Variants in EVC2 observed in about 807,000 individuals in gnomAD.
EVC2 encodes limbin.
Under a neutral mutation model 149.3 loss-of-function variants are expected in EVC2, and 148 were observed. That is an observed-to-expected ratio of 0.99 (90% CI 0.87 to 1.14). The LOEUF (loss-of-function observed/expected upper bound fraction) is 1.14, where lower values mean the gene tolerates loss of function less well. Among genes scored for constraint, EVC2 ranks in the 50% most tolerant of loss-of-function variants. The probability of loss-of-function intolerance (pLI) is 0.00; values close to 1 mark genes in which losing one functional copy is unlikely to be tolerated. For missense variants in EVC2, 1,854 were observed against 1,627.3 expected, an observed-to-expected ratio of 1.14 and a Z score of -2.40; for synonymous variants, 776 against 649.9, an observed-to-expected ratio of 1.19 and a Z score of -2.95.
intron 15 of EVC2, among the ~76,000 whole-genome samples, chr4:5,617,067 T>C (rs1465241923): frequency 6.6e-6 from 1 of 151,754 alleles, no homozygotes; most frequent in African/African-American, 2.4e-5. Context: ...CACATCCTTG[T>C]AAGAACAGAA....
chr4:5,640,525 C>T lies in EVC2; in HGVS notation c.1459G>A (p.Ala487Thr), dbSNP rs751192258. The change falls in exon 10 of 22, where the codon GCT (alanine) becomes ACT (threonine). Residue 487 changes from alanine (A) to threonine (T), a missense_variant. Ala to Thr is a moderately conservative substitution (Grantham distance 58). Transcript: ENST00000344408. This position sits in a 1 kb window ranked among gnomAD's most constrained non-coding sequence, Gnocchi z 4.6. ...CAGACCTGTCTTACCCTCTCACCAG[C>T]ACGTTTCAGCAACTCTTCTGCTTCC... ...MEEAEELLKR[A>T]GERSAVECSN... 6.2e-7 allele frequency: 1 copy of T among 1,614,142 alleles called. No individual in the cohort carries two copies. Among genetic ancestry groups the T allele is most frequent in the Admixed American group, 1.7e-5 (1 of 60,024 alleles).
At position 5,708,464 on chromosome 4, in the gene EVC2, C is replaced by T; in HGVS notation, c.50G>A (p.Gly17Asp). Reference protein sequence around the residue: ...RGRPTWVLAGGLLAVALALGG... With the variant: ...RGRPTWVLAGDLLAVALALGG... ...CAGCGCCAGGGCCACTGCCAGGAGA[C>T]CCCCGGCCAGCACCCACGTGGGGCG... The change falls in exon 1 of 22, where the codon GGT (glycine) becomes GAT (aspartate). Residue 17 changes from glycine (G) to aspartate (D), a missense_variant. Coordinates refer to ENST00000344408, the MANE Select transcript of EVC2 (RefSeq NM_147127.5). 1.3e-6 allele frequency: 2 copies of T among 1,504,688 alleles called. No homozygotes were observed. The highest frequency in any genetic ancestry group is 1.8e-6 in the Non-Finnish European group (2 of 1,134,352). The allele number at this position is 1,504,688 out of a possible 1,614,324, so 93.2% of individuals were successfully genotyped here. A position where few individuals can be genotyped will look rare whatever the true frequency, so the allele number is the denominator to read the frequency against.
At chr4:5,548,219 C>T (rs1721658129) in intron 21 of EVC2, among the ~76,000 whole-genome samples, 1 of 151,976 alleles carries the variant, frequency 6.6e-6, no homozygotes, top group Admixed American at 6.6e-5. Flanking sequence ...AAAATGAACC[C>T]AGCAGGCCCA....
intron 21 of EVC2, among the ~76,000 whole-genome samples, chr4:5,555,822 C>T (rs975284494): frequency 2.6e-5 from 4 of 152,114 alleles, no homozygotes; most frequent in African/African-American, 9.7e-5. Flanking sequence ...ATCTCTTCTA[C>T]AAGTACAGAA....
intron 9 of EVC2, among the ~76,000 whole-genome samples, chr4:5,650,669 A>AGC (rs1553843778): frequency 0.019 from 2,695 of 139,010 alleles, 66 homozygotes; most frequent in African/African-American, 0.045. Flanking sequence ...AGAGAGAGAG[A>AGC]GAGCCATTTA....
In EVC2 at chr4:5,631,999, G is replaced by T; in HGVS notation, c.1504C>A (p.Leu502Ile). ...AVECSNLLRT[L>I]HGLEQEHLRK... ...AAGTGCTCCTGTTCCAGGCCATGGAGGGTCCGCAGAAGGTTGCTGCACTCT... is the reference window on the plus strand; with the variant it reads ...AAGTGCTCCTGTTCCAGGCCATGGATGGTCCGCAGAAGGTTGCTGCACTCT... Residue 502 changes from leucine (L) to isoleucine (I), a missense_variant, in exon 11 of 22, where the codon CTC (leucine) becomes ATC (isoleucine). By Grantham distance (5) the Leu-to-Ile change is conservative. Transcript: ENST00000344408. 1 of 1,614,224 alleles carries T rather than the reference G, an allele frequency of 6.2e-7. No individual in the cohort carries two copies. Among genetic ancestry groups the T allele is most frequent in the Non-Finnish European group, 8.5e-7 (1 of 1,180,044 alleles).
At chr4:5,534,591 T>G in the EVC2 span, among the ~76,000 whole-genome samples, 1 of 152,146 alleles carries the variant, frequency 6.6e-6, no homozygotes. Context: ...TACGGGAAAA[T>G]AATAAGCCCC....
At chr4:5,683,062 T>G (rs1236340357) in intron 6 of EVC2, among the ~76,000 whole-genome samples, 3 of 152,220 alleles carry the variant, frequency 2.0e-5, no homozygotes, top group Admixed American at 2.0e-4. Context: ...ACTTCCCAAA[T>G]CCACTGTGGG....
At chr4:5,547,142 C>T (rs1284284659) in intron 21 of EVC2, among the ~76,000 whole-genome samples, 1 of 152,234 alleles carries the variant, frequency 6.6e-6, no homozygotes, top group African/African-American at 2.4e-5. Context: ...GCTGTTGGTG[C>T]CTGCTCCGAT....
chr4:5,633,346 G>C lies in EVC2; in HGVS notation c.1471-1314C>G, dbSNP rs1418258399. Among the ~76,000 whole-genome samples, 3 of 152,234 alleles carry C rather than the reference G, an allele frequency of 2.0e-5. No homozygotes were observed. The highest frequency in any genetic ancestry group is 2.0e-4 in the Admixed American group (3 of 15,290). ...ATAGGTCACAGTGAAGCTGTGCCCA[G>C]ACTCCTGACCATGGACACTGAGACA... On this transcript the variant is annotated intron_variant, in intron 10 of 21. Transcript: ENST00000344408. The surrounding 1 kb of genome is among the most constrained non-coding windows in gnomAD (Gnocchi z 4.4).
intron 10 of EVC2, among the ~76,000 whole-genome samples, chr4:5,638,842 C>A (rs147829335): frequency 1.4e-4 from 22 of 152,162 alleles, no homozygotes; most frequent in African/African-American, 5.1e-4. Context: ...CAGGAACACC[C>A]GGAGCCACCA....
chr4:5,593,338 T>C (rs1713013882), intron 16 of EVC2, among the ~76,000 whole-genome samples: 1 of 152,176 alleles, frequency 6.6e-6, no homozygotes, highest in Non-Finnish European at 1.5e-5. Flanking sequence ...TACTTCCTTT[T>C]CTTCCTGCTC....
At position 5,665,506 on chromosome 4, in the gene EVC2, A is replaced by G. The variant is rs755644652; in HGVS notation, c.1005+9T>C. 5 of 1,613,960 alleles carry G rather than the reference A, an allele frequency of 3.1e-6. No homozygotes were observed. In the Admixed American group the frequency reaches 6.7e-5, roughly 22 times the overall value. ...ACCACCTTCCAAACCACCCTCAGGG[A>G]AGACTCACCCGATGTCTGGTGAGCA... On this transcript the variant is annotated intron_variant, in intron 8 of 21. Coordinates refer to ENST00000344408, the MANE Select transcript of EVC2 (RefSeq NM_147127.5).
intron 6 of EVC2, among the ~76,000 whole-genome samples, chr4:5,684,219 C>T (rs1468983945): frequency 6.6e-6 from 1 of 152,132 alleles, no homozygotes; most frequent in Non-Finnish European, 1.5e-5. Context: ...GAGAATTGTC[C>T]TTCCCAGTAG....
chr4:5,534,354 A>G, the EVC2 span, among the ~76,000 whole-genome samples: 1 of 152,182 alleles, frequency 6.6e-6, no homozygotes, highest in Non-Finnish European at 1.5e-5. Context: ...TGGTTCAGCG[A>G]GTGAGTGGAT....
At chr4:5,554,027 G>A (rs1341791421) in intron 21 of EVC2, among the ~76,000 whole-genome samples, 1 of 152,098 alleles carries the variant, frequency 6.6e-6, no homozygotes, top group Non-Finnish European at 1.5e-5. Context: ...TACCAAAACT[G>A]GAGGAAAAAA....
At chr4:5,574,921 C>T (rs1157149344) in intron 18 of EVC2, 149 bp from the exon 19 acceptor site, 1 of 856,302 alleles carries the variant, frequency 1.2e-6, no homozygotes, top group African/African-American at 1.7e-5. Context: ...AGAAAGACTG[C>T]CTTCCTTTTC....
Position 5,637,457 on chromosome 4 carries a change from T to C in EVC2, c.1470+3057A>G, listed in dbSNP as rs1218146598. Among the ~76,000 whole-genome samples the C allele has an allele frequency of 6.6e-6, 1 of 152,008 alleles. No homozygotes were observed. Among genetic ancestry groups the C allele is most frequent in the East Asian group, 1.9e-4 (1 of 5,184 alleles). On this transcript the variant is annotated intron_variant, in intron 10 of 21. Coordinates refer to ENST00000344408, the MANE Select transcript of EVC2 (RefSeq NM_147127.5). The surrounding 1 kb of genome is among the most constrained non-coding windows in gnomAD (Gnocchi z 4.4). ...GAGTTGTTGTGAACGCTAAAGAGAG[T>C]CAATGGGATGTGCTTGGAACAATGC...
At chr4:5,564,822 G>A (rs1031973342) in intron 21 of EVC2, among the ~76,000 whole-genome samples, 5 of 152,174 alleles carry the variant, frequency 3.3e-5, no homozygotes, top group Non-Finnish European at 5.9e-5. Flanking sequence ...AATAAAGGGG[G>A]CAGTGAGGCA....
Sources: allele counts gnomAD v4.1 joint callset (sites outside exome capture counted in the v4.1 genomes callset), GRCh38; gene constraint gnomAD v4.1.1; non-coding constraint Gnocchi (gnomAD v3.1); transcripts MANE v1.5; gene names NCBI Gene and HGNC (gene_info 2026-07-23, HGNC 2026-07-21).